NRG3: variants seen among roughly 807,000 people sequenced by gnomAD.
The protein encoded by NRG3 is neuregulin 3.
Under a neutral mutation model 66.9 loss-of-function variants are expected in NRG3, and 31 were observed. The ratio of observed to expected loss-of-function variants is 0.46; its 90% confidence interval spans 0.35 to 0.63. NRG3 has a LOEUF of 0.63. Ranked by LOEUF, NRG3 falls within the 20% of genes least tolerant of loss-of-function variation. The pLI, the probability that NRG3 is intolerant of heterozygous loss-of-function variation, is 0.00. For missense variants in NRG3, 910 were observed against 878.9 expected (o/e 1.04, Z -0.45); for synonymous variants, 393 against 359.4 (o/e 1.09, Z -1.06).
At chr10:82,854,372 G>T (rs1423912031) in intron 3 of NRG3, among the ~76,000 whole-genome samples, 1 of 152,162 alleles carries the variant, frequency 6.6e-6, no homozygotes, top group African/African-American at 2.4e-5. Flanking sequence ...AAGATGATGT[G>T]TGTTGTGTAC....
intron 3 of NRG3, among the ~76,000 whole-genome samples, chr10:82,770,115 T>C (rs906953488): frequency 1.3e-5 from 2 of 152,158 alleles, no homozygotes; most frequent in Non-Finnish European, 2.9e-5. Context: ...TTCTTATTTA[T>C]TTAGTTTTTA....
At chr10:81,918,992 C>CACACACACACACACAT (rs750729271) in intron 1 of NRG3, among the ~76,000 whole-genome samples, 6 of 148,070 alleles carry the variant, frequency 4.1e-5, no homozygotes, top group African/African-American at 1.6e-4. Context: ...CACACACACA[C>CACACACACACACACAT]ACATACATAC....
chr10:81,955,254 G>C (rs1849720049), intron 1 of NRG3, among the ~76,000 whole-genome samples: 1 of 151,188 alleles, frequency 6.6e-6, no homozygotes, highest in Admixed American at 6.6e-5. Context: ...AGCAATTGTG[G>C]AAGCTGGATC....
chr10:82,341,209 C>T (rs1047406444), intron 1 of NRG3, among the ~76,000 whole-genome samples: 27 of 151,924 alleles, frequency 1.8e-4, no homozygotes, highest in Admixed American at 6.6e-5. Context: ...AAAAACGATG[C>T]CTTCTAATTG....
intron 2 of NRG3, among the ~76,000 whole-genome samples, chr10:82,586,434 G>T (rs1203709334): frequency 6.6e-6 from 1 of 152,112 alleles, no homozygotes; most frequent in Non-Finnish European, 1.5e-5. Context: ...AGCAGGATTG[G>T]ACAGCATGGT....
At chr10:81,938,964 T>C (rs1436692076) in intron 1 of NRG3, among the ~76,000 whole-genome samples, 1 of 152,088 alleles carries the variant, frequency 6.6e-6, no homozygotes, top group Admixed American at 6.6e-5. Flanking sequence ...GTTTTTATCA[T>C]GAAAGGGTAC....
chr10:82,918,724 C>T (rs920308697), intron 4 of NRG3, among the ~76,000 whole-genome samples: 3 of 152,114 alleles, frequency 2.0e-5, no homozygotes, highest in Non-Finnish European at 4.4e-5. Flanking sequence ...TGATATCCAT[C>T]GGTTATTTAT....
At chr10:82,720,064 T>C (rs561004910) in intron 2 of NRG3, among the ~76,000 whole-genome samples, 5 of 152,264 alleles carry the variant, frequency 3.3e-5, no homozygotes, top group Admixed American at 3.3e-4. Flanking sequence ...ATCTGTACAA[T>C]AAGTCTAAAA....
At chr10:81,904,154 C>T (rs2132681653) in intron 1 of NRG3, among the ~76,000 whole-genome samples, 2 of 151,928 alleles carry the variant, frequency 1.3e-5, no homozygotes, top group South Asian at 2.1e-4. Context: ...GGATTACAGG[C>T]ATGCAACACC....
chr10:81,940,729 C>A (rs929513153), intron 1 of NRG3, among the ~76,000 whole-genome samples: 2 of 151,892 alleles, frequency 1.3e-5, no homozygotes, highest in Non-Finnish European at 2.9e-5. Context: ...AAAATGTAGT[C>A]CAATTCCAGG....
intron 1 of NRG3, among the ~76,000 whole-genome samples, chr10:82,242,817 C>G (rs1205950813): frequency 6.6e-6 from 1 of 152,206 alleles, no homozygotes; most frequent in African/African-American, 2.4e-5. Context: ...CATCTGACCA[C>G]TTCTGCCTTA....
At chr10:82,567,575 G>A (rs1051532791) in intron 2 of NRG3, among the ~76,000 whole-genome samples, 1 of 151,922 alleles carries the variant, frequency 6.6e-6, no homozygotes, top group Non-Finnish European at 1.5e-5. Flanking sequence ...TGCTTTGCTT[G>A]TTCAAAGCTG....
intron 4 of NRG3, among the ~76,000 whole-genome samples, chr10:82,905,608 C>T (rs534559230): frequency 6.6e-6 from 1 of 152,046 alleles, no homozygotes; most frequent in African/African-American, 2.4e-5. Context: ...AGTGTGCTTC[C>T]TTTTCTTTAA....
intron 3 of NRG3, among the ~76,000 whole-genome samples, chr10:82,804,522 T>C (rs754136816): frequency 5.3e-5 from 8 of 152,182 alleles, no homozygotes; most frequent in Non-Finnish European, 8.8e-5. Flanking sequence ...GGGGCCACTA[T>C]AGTAAGTGCT....
At chr10:82,458,112 G>A (rs1398096804) in intron 2 of NRG3, among the ~76,000 whole-genome samples, 1 of 152,136 alleles carries the variant, frequency 6.6e-6, no homozygotes, top group Non-Finnish European at 1.5e-5. Context: ...TGTTTCTCCA[G>A]GATCTTCCCT....
intron 2 of NRG3, among the ~76,000 whole-genome samples, chr10:82,495,514 T>A (rs1327007900): frequency 1.3e-5 from 2 of 152,036 alleles, no homozygotes; most frequent in Non-Finnish European, 2.9e-5. Context: ...CATCTCAGAA[T>A]CAGATGTAAT....
intron 3 of NRG3, among the ~76,000 whole-genome samples, chr10:82,837,612 T>C (rs2062844067): frequency 6.6e-6 from 1 of 152,158 alleles, no homozygotes; most frequent in Admixed American, 6.6e-5. Flanking sequence ...GAATGAAATG[T>C]GTGCAAAAGC....
intron 1 of NRG3, among the ~76,000 whole-genome samples, chr10:82,340,285 T>C (rs2082618686): frequency 6.6e-6 from 1 of 152,200 alleles, no homozygotes; most frequent in African/African-American, 2.4e-5. Flanking sequence ...AAGTCTTTCT[T>C]GCATAAAATG....
chr10:82,309,794 G>T (rs1446057837), intron 1 of NRG3, among the ~76,000 whole-genome samples: 2 of 152,158 alleles, frequency 1.3e-5, no homozygotes, highest in African/African-American at 2.4e-5. Flanking sequence ...CAGGGTGAAG[G>T]TGTGAGCAGG....
Sources: gnomAD v4.1 joint callset for allele counts (sites outside exome capture counted in the v4.1 genomes callset) on GRCh38, gnomAD v4.1.1 for gene constraint, MANE v1.5 for transcripts, NCBI Gene and HGNC (gene_info 2026-07-23, HGNC 2026-07-21) for gene names.